RAB27B: variants seen among roughly 807,000 people sequenced by gnomAD.
RAB27B encodes the protein RAB27B, member RAS oncogene family.
RAB27B carries 15 observed loss-of-function variants against 24.6 expected under a neutral mutation model. That is an observed-to-expected ratio of 0.61 (90% confidence interval 0.41 to 0.94). The LOEUF (loss-of-function observed/expected upper bound fraction) is 0.94, where lower values mean the gene tolerates loss of function less well. Ranked by LOEUF, RAB27B falls within the 40% of genes least tolerant of loss-of-function variation. The probability of loss-of-function intolerance (pLI) is 0.00; values close to 1 mark genes in which losing one functional copy is unlikely to be tolerated. For missense variants in RAB27B, 261 were observed against 266.8 expected, an observed-to-expected ratio of 0.98 and a Z score of 0.15; for synonymous variants, 105 against 92.5, an observed-to-expected ratio of 1.14 and a Z score of -0.78.
chr18:54,850,333 G>GATATAT (rs35735191), intron 1 of RAB27B, among the ~76,000 whole-genome samples: 1,571 of 95,116 alleles, frequency 0.017, 118 homozygotes, highest in Admixed American at 0.044. Flanking sequence ...AAACAAACAG[G>GATATAT]ATATATATAT....
At chr18:54,758,622 G>C (rs1460999121) in intron 2 of RAB27B, among the ~76,000 whole-genome samples, 14 of 120,216 alleles carry the variant, frequency 1.2e-4, no homozygotes, top group Admixed American at 1.1e-3. Flanking sequence ...GCTTGCAAGC[G>C]ACCAAAAACA....
chr18:54,829,297 C>G (rs1016606217), intron 1 of RAB27B, among the ~76,000 whole-genome samples: 1 of 152,190 alleles, frequency 6.6e-6, no homozygotes, highest in Non-Finnish European at 1.5e-5. Flanking sequence ...AATTAGCTTT[C>G]AAGACTTTCC....
intron 3 of RAB27B, among the ~76,000 whole-genome samples, chr18:54,882,973 A>G (rs1912987699): frequency 6.6e-6 from 1 of 152,174 alleles, no homozygotes; most frequent in South Asian, 2.1e-4. Context: ...TGTCCAGGTG[A>G]GAGAGAATGG....
chr18:54,887,846 G>C, intron 4 of RAB27B, 149 bp from the exon 5 acceptor site: 1 of 802,950 alleles, frequency 1.2e-6, no homozygotes, highest in East Asian at 2.7e-5. Context: ...AGCACATTGT[G>C]ACTGGGAAGA....
chr18:54,884,733 G>A (rs1165656692), intron 4 of RAB27B, among the ~76,000 whole-genome samples: 1 of 152,138 alleles, frequency 6.6e-6, no homozygotes, highest in African/African-American at 2.4e-5. Flanking sequence ...AAAGGCCATT[G>A]ATTCCACTTT....
chr18:54,761,536 C>T (rs1908188924), intron 2 of RAB27B, among the ~76,000 whole-genome samples: 1 of 152,146 alleles, frequency 6.6e-6, no homozygotes, highest in Admixed American at 6.6e-5. Flanking sequence ...TGCTTACATA[C>T]AACAGTTATA....
chr18:54,807,156 C>T (rs1909817096), intron 2 of RAB27B, among the ~76,000 whole-genome samples: 1 of 152,222 alleles, frequency 6.6e-6, no homozygotes, highest in Admixed American at 6.5e-5. Context: ...GCGTTGGCCT[C>T]CCAAAGTGCT....
In RAB27B at chr18:54,742,462, A is replaced by G. The variant is rs149654427; in HGVS notation, c.-20+24321A>G. ...CGGAAGGCAGGAGGAAGTTGGGGTCAGTCATACAAATGTTATAAAGTATAA... is the reference window on the plus strand; with the variant it reads ...CGGAAGGCAGGAGGAAGTTGGGGTCGGTCATACAAATGTTATAAAGTATAA... On this transcript the variant is annotated intron_variant, in intron 2 of 4. Coordinates refer to the RAB27B transcript ENST00000586570. Among the ~76,000 whole-genome samples the G allele has an allele frequency of 5.0e-3, 762 of 152,194 alleles. 7 individuals carry two copies. The highest frequency in any genetic ancestry group is 0.017 in the African/African-American group (717 of 41,590).
chr18:54,866,173 C>A, intron 1 of RAB27B, among the ~76,000 whole-genome samples: 1 of 152,122 alleles, frequency 6.6e-6, no homozygotes, highest in East Asian at 1.9e-4. Context: ...GACCTGCTAG[C>A]AACACTGTCC....
intron 2 of RAB27B, among the ~76,000 whole-genome samples, chr18:54,730,684 C>G (rs145689537): frequency 6.6e-6 from 1 of 152,166 alleles, no homozygotes; most frequent in Non-Finnish European, 1.5e-5. Flanking sequence ...CTCACTCTCT[C>G]GCTCCCTCTC....
intron 2 of RAB27B, among the ~76,000 whole-genome samples, chr18:54,767,427 G>A (rs1908398926): frequency 6.6e-6 from 1 of 152,152 alleles, no homozygotes; most frequent in South Asian, 2.1e-4. Flanking sequence ...GTATTTAATT[G>A]CCATAGTTAT....
chr18:54,845,520 G>T (rs1233890476), intron 1 of RAB27B, among the ~76,000 whole-genome samples: 2 of 149,300 alleles, frequency 1.3e-5, no homozygotes, highest in African/African-American at 2.5e-5. Flanking sequence ...AAAAAAAAAA[G>T]AAAATTGTGA....
chr18:54,744,123 T>C (rs1036413231), intron 2 of RAB27B, among the ~76,000 whole-genome samples: 24 of 152,316 alleles, frequency 1.6e-4, no homozygotes, highest in Non-Finnish European at 2.5e-4. Context: ...AGAAGATAGA[T>C]TGATTTCATT....
intron 2 of RAB27B, among the ~76,000 whole-genome samples, chr18:54,787,022 G>A (rs887509066): frequency 6.6e-6 from 1 of 152,150 alleles, no homozygotes; most frequent in Non-Finnish European, 1.5e-5. Flanking sequence ...CATGACCAAG[G>A]CAATTTAACA....
chr18:54,834,302 G>A (rs1910808006), intron 1 of RAB27B, among the ~76,000 whole-genome samples: 1 of 152,152 alleles, frequency 6.6e-6, no homozygotes, highest in Non-Finnish European at 1.5e-5. Flanking sequence ...ATAGAAAGGA[G>A]ATATAGACTT....
chr18:54,859,718 C>T (rs560842914), intron 1 of RAB27B, among the ~76,000 whole-genome samples: 52 of 152,278 alleles, frequency 3.4e-4, no homozygotes, highest in African/African-American at 1.2e-3. Flanking sequence ...GGGAGTGAAA[C>T]TCGACAAAGA....
intron 2 of RAB27B, among the ~76,000 whole-genome samples, chr18:54,725,041 A>G (rs959905519): frequency 6.6e-6 from 1 of 151,502 alleles, no homozygotes; most frequent in African/African-American, 2.4e-5. Flanking sequence ...AGTGGACCTC[A>G]TTAGGGATGG....
At chr18:54,885,063 A>C (rs1913076724) in intron 4 of RAB27B, among the ~76,000 whole-genome samples, 1 of 152,214 alleles carries the variant, frequency 6.6e-6, no homozygotes, top group Admixed American at 6.5e-5. Flanking sequence ...ATGTTGCCTA[A>C]TCAATTACTA....
intron 2 of RAB27B, among the ~76,000 whole-genome samples, chr18:54,728,876 A>AG (rs1909630193): frequency 3.3e-4 from 1 of 3,070 alleles, no homozygotes; most frequent in Admixed American, 2.4e-3. Context: ...ACTCTGTCTC[A>AG]AAAAAAAAAA....
Sources: gnomAD v4.1 joint callset for allele counts (sites outside exome capture counted in the v4.1 genomes callset) on GRCh38, gnomAD v4.1.1 for gene constraint, MANE v1.5 for transcripts, NCBI Gene and HGNC (gene_info 2026-07-23, HGNC 2026-07-21) for gene names.